Variants in DLG2 observed in about 807,000 individuals in gnomAD.
The protein encoded by DLG2 is disks large homolog 2.
In DLG2, 45 loss-of-function variants were observed where a neutral mutation model predicts 132.5. The observed-to-expected ratio is 0.34, with a 90% CI of 0.27 to 0.44. DLG2 has a LOEUF of 0.44. Among genes scored for constraint, DLG2 ranks in the 20% least tolerant of loss-of-function variants. DLG2 has a pLI of 1.00. For missense variants in DLG2, 1,045 were observed against 1,196.9 expected, an observed-to-expected ratio of 0.87 and a Z score of 1.87; for synonymous variants, 424 against 419.6, an observed-to-expected ratio of 1.01 and a Z score of -0.13.
At chr11:84,347,540 G>A (rs180999329) in intron 7 of DLG2, among the ~76,000 whole-genome samples, 1 of 152,128 alleles carries the variant, frequency 6.6e-6, no homozygotes, top group South Asian at 2.1e-4. Context: ...AGCAATGTGT[G>A]GTCATATGTT....
chr11:84,890,026 GAATAAAGACCT>G (rs2089074316), intron 6 of DLG2, among the ~76,000 whole-genome samples: 1 of 152,170 alleles, frequency 6.6e-6, no homozygotes, highest in Non-Finnish European at 1.5e-5. Flanking sequence ...ATAGTAGAAT[GAATAAAGACCT>G]TATATAGCTA....
chr11:83,668,550 A>G (rs1460529971), intron 18 of DLG2, among the ~76,000 whole-genome samples: 1 of 152,012 alleles, frequency 6.6e-6, no homozygotes, highest in African/African-American at 2.4e-5. Context: ...CTTTTTTAAC[A>G]GTAATATAAT....
intron 6 of DLG2, among the ~76,000 whole-genome samples, chr11:84,967,079 T>A (rs1370426901): frequency 6.6e-6 from 1 of 152,098 alleles, no homozygotes; most frequent in African/African-American, 2.4e-5. Flanking sequence ...AAAAACATCA[T>A]TTTAAATAAC....
chr11:84,009,914 A>G (rs2094788828), intron 11 of DLG2, among the ~76,000 whole-genome samples: 2 of 152,074 alleles, frequency 1.3e-5, no homozygotes, highest in Non-Finnish European at 1.5e-5. Context: ...AAGGTCAATG[A>G]TTTAACAACC....
intron 7 of DLG2, among the ~76,000 whole-genome samples, chr11:84,378,601 A>G (rs931953350): frequency 1.3e-5 from 2 of 151,830 alleles, no homozygotes; most frequent in African/African-American, 4.8e-5. Flanking sequence ...AAGATTTGGA[A>G]CTCAAATTCA....
intron 6 of DLG2, among the ~76,000 whole-genome samples, chr11:84,697,664 C>T (rs2058755748): frequency 1.3e-5 from 2 of 151,494 alleles, no homozygotes; most frequent in Non-Finnish European, 1.5e-5. Context: ...CTATCATTAT[C>T]TCTATTTTAC....
chr11:83,933,937 A>G (rs1158657997), intron 14 of DLG2, among the ~76,000 whole-genome samples: 3 of 152,254 alleles, frequency 2.0e-5, no homozygotes, highest in Non-Finnish European at 2.9e-5. Context: ...AAAGATGCAA[A>G]CATGGAGAAG....
chr11:84,428,891 T>G (rs909188468), intron 7 of DLG2, among the ~76,000 whole-genome samples: 6 of 152,138 alleles, frequency 3.9e-5, no homozygotes. Flanking sequence ...GCTGGAAAAT[T>G]TTAGTTTGAT....
intron 18 of DLG2, among the ~76,000 whole-genome samples, chr11:83,693,384 C>T (rs2081323288): frequency 6.6e-6 from 1 of 152,052 alleles, no homozygotes; most frequent in South Asian, 2.1e-4. Flanking sequence ...AAGCAGAGTC[C>T]TTGTTTTGCC....
At chr11:84,417,933 T>G (rs1161496793) in intron 7 of DLG2, among the ~76,000 whole-genome samples, 1 of 152,200 alleles carries the variant, frequency 6.6e-6, no homozygotes, top group Non-Finnish European at 1.5e-5. Flanking sequence ...CCGATTATAC[T>G]CTTACAGTAT....
At chr11:85,340,715 A>G (rs1175617058) in intron 3 of DLG2, among the ~76,000 whole-genome samples, 3 of 152,222 alleles carry the variant, frequency 2.0e-5, no homozygotes, top group Admixed American at 6.5e-5. Context: ...TATTTTATTT[A>G]TACATCAGAT....
chr11:85,220,649 T>A (rs1005250484), intron 4 of DLG2, among the ~76,000 whole-genome samples: 3 of 150,364 alleles, frequency 2.0e-5, no homozygotes, highest in Non-Finnish European at 4.4e-5. Flanking sequence ...TATATATATA[T>A]ATATAACTTT....
intron 6 of DLG2, among the ~76,000 whole-genome samples, chr11:84,937,384 C>CAAA (rs35813381): frequency 2.3e-5 from 3 of 132,450 alleles, no homozygotes; most frequent in Non-Finnish European, 3.3e-5. Context: ...CATACCAGAC[C>CAAA]AAAAAAAAAA....
At chr11:84,660,986 G>A (rs2099693893) in intron 6 of DLG2, among the ~76,000 whole-genome samples, 1 of 152,182 alleles carries the variant, frequency 6.6e-6, no homozygotes, top group Admixed American at 6.6e-5. Flanking sequence ...TAATGTGGGA[G>A]TGGGAGGATC....
chr11:84,243,576 C>T (rs2097263593), intron 8 of DLG2, among the ~76,000 whole-genome samples: 2 of 152,202 alleles, frequency 1.3e-5, no homozygotes, highest in Non-Finnish European at 2.9e-5. Context: ...ATACAAATCA[C>T]TGAAGTTTTT....
intron 4 of DLG2, among the ~76,000 whole-genome samples, chr11:85,211,471 T>G (rs2082251690): frequency 6.6e-6 from 1 of 152,166 alleles, no homozygotes; most frequent in Admixed American, 6.6e-5. Context: ...AGTTCCCTTG[T>G]CTCAGCCAAG....
intron 6 of DLG2, among the ~76,000 whole-genome samples, chr11:85,110,596 C>T (rs1428780305): frequency 6.6e-6 from 1 of 152,042 alleles, no homozygotes; most frequent in Admixed American, 6.6e-5. Flanking sequence ...TTAGCATCAC[C>T]ATCTCTCCTT....
chr11:84,890,362 A>G (rs1189123864), intron 6 of DLG2, among the ~76,000 whole-genome samples: 1 of 152,194 alleles, frequency 6.6e-6, no homozygotes, highest in Non-Finnish European at 1.5e-5. Context: ...TGTACTGTGA[A>G]GCGGTCAAGT....
intron 5 of DLG2, among the ~76,000 whole-genome samples, chr11:85,125,839 ACACAC>A: frequency 7.5e-6 from 1 of 132,758 alleles, no homozygotes; most frequent in South Asian, 2.3e-4. Context: ...ACACACACAC[ACACAC>A]AAGAAAAAGG....
Sources: allele counts gnomAD v4.1 joint callset (sites outside exome capture counted in the v4.1 genomes callset), GRCh38; gene constraint gnomAD v4.1.1; transcripts MANE v1.5; gene names NCBI Gene and HGNC (gene_info 2026-07-23, HGNC 2026-07-21).